The following MAN1A1 variants were observed in gnomAD, a reference collection of about 807,000 sequenced individuals.
The protein encoded by MAN1A1 is mannosyl-oligosaccharide 1,2-alpha-mannosidase IA.
Under a neutral mutation model 70.8 loss-of-function variants are expected in MAN1A1, and 29 were observed. That is an observed-to-expected ratio of 0.41 (90% CI 0.31 to 0.56). The LOEUF (loss-of-function observed/expected upper bound fraction) is 0.56. MAN1A1 is among the 20% of genes least tolerant of loss of function. MAN1A1 has a pLI of 0.29. For missense variants in MAN1A1, 747 were observed against 841.3 expected, an observed-to-expected ratio of 0.89 and a Z score of 1.39; for synonymous variants, 349 against 330.1, an observed-to-expected ratio of 1.06 and a Z score of -0.62.
At chr6:119,282,743 T>C (rs1427384342) in intron 5 of MAN1A1, among the ~76,000 whole-genome samples, 1 of 152,128 alleles carries the variant, frequency 6.6e-6, no homozygotes, top group Non-Finnish European at 1.5e-5. Context: ...CATATTAATA[T>C]ACAACAATTA....
At chr6:119,290,403 C>T (rs982235983) in intron 5 of MAN1A1, among the ~76,000 whole-genome samples, 5 of 151,994 alleles carry the variant, frequency 3.3e-5, no homozygotes, top group African/African-American at 1.2e-4. Context: ...TGTCCATAGG[C>T]ACATATAATT....
intron 5 of MAN1A1, among the ~76,000 whole-genome samples, chr6:119,258,656 T>A (rs1027962714): frequency 1.3e-5 from 2 of 152,210 alleles, no homozygotes; most frequent in African/African-American, 4.8e-5. Flanking sequence ...ATTTTAGTTA[T>A]GAAGCATTCT....
chr6:119,267,718 C>A (rs1775797500), intron 5 of MAN1A1, among the ~76,000 whole-genome samples: 1 of 152,200 alleles, frequency 6.6e-6, no homozygotes, highest in African/African-American at 2.4e-5. Context: ...GTAACCACAT[C>A]CTGGCATTTA....
chr6:119,193,507 G>T (rs553418602), intron 9 of MAN1A1, among the ~76,000 whole-genome samples: 10 of 151,884 alleles, frequency 6.6e-5, no homozygotes, highest in African/African-American at 2.4e-4. Flanking sequence ...CCTAAGGAGA[G>T]AATTCATATT....
At chr6:119,306,800 T>C in intron 3 of MAN1A1, 96 bp downstream of exon 3, 1 of 833,198 alleles carries the variant, frequency 1.2e-6, no homozygotes, top group Non-Finnish European at 2.0e-6. Context: ...CCAAATGGCC[T>C]GGAGGGCCAT....
chr6:119,232,230 G>A (rs905846535), intron 6 of MAN1A1, among the ~76,000 whole-genome samples: 11 of 151,896 alleles, frequency 7.2e-5, no homozygotes, highest in African/African-American at 1.9e-4. Context: ...AAAATTAGCC[G>A]GGCGTGGTGG....
At chr6:119,341,933 T>G (rs1217868732) in intron 2 of MAN1A1, among the ~76,000 whole-genome samples, 1 of 152,138 alleles carries the variant, frequency 6.6e-6, no homozygotes. Flanking sequence ...CCGGGAAATA[T>G]AGTGAGACCC....
intron 5 of MAN1A1, among the ~76,000 whole-genome samples, chr6:119,280,159 T>C (rs1776191824): frequency 6.6e-6 from 1 of 152,204 alleles, no homozygotes; most frequent in African/African-American, 2.4e-5. Context: ...CTTACTCCTG[T>C]CCATTCTTTC....
intron 2 of MAN1A1, among the ~76,000 whole-genome samples, chr6:119,314,322 T>C (rs149851905): frequency 1.3e-3 from 197 of 152,336 alleles, no homozygotes; most frequent in African/African-American, 4.5e-3. Context: ...ATTTTAGAAG[T>C]ATTATTTTGT....
At chr6:119,294,277 T>C (rs993261437) in intron 4 of MAN1A1, among the ~76,000 whole-genome samples, 4 of 152,108 alleles carry the variant, frequency 2.6e-5, no homozygotes, top group African/African-American at 7.2e-5. Flanking sequence ...CTGATTCTAA[T>C]TTCCATTAAA....
chr6:119,246,975 G>A (rs1775184676), intron 6 of MAN1A1, among the ~76,000 whole-genome samples: 1 of 152,054 alleles, frequency 6.6e-6, no homozygotes, highest in Admixed American at 6.6e-5. Context: ...CCAGAGGTGT[G>A]AACTCTCCCC....
intron 6 of MAN1A1, among the ~76,000 whole-genome samples, chr6:119,245,490 G>A (rs778116866): frequency 2.8e-4 from 43 of 152,172 alleles, no homozygotes; most frequent in South Asian, 1.9e-3. Flanking sequence ...ATGAAATGTC[G>A]CTTCTTGCCC....
intron 8 of MAN1A1, among the ~76,000 whole-genome samples, chr6:119,198,934 T>C (rs1300207022): frequency 1.3e-5 from 2 of 152,242 alleles, no homozygotes; most frequent in East Asian, 3.8e-4. Flanking sequence ...TTAATTGCAT[T>C]GTAAAATTAG....
chr6:119,229,120 C>T (rs1478790637), intron 6 of MAN1A1, among the ~76,000 whole-genome samples: 1 of 150,752 alleles, frequency 6.6e-6, no homozygotes, highest in East Asian at 1.9e-4. Context: ...GAGGCAAGAA[C>T]TTTATTACTA....
At chr6:119,307,305 GAAC>G (rs1358655258) in intron 2 of MAN1A1, among the ~76,000 whole-genome samples, 1 of 133,340 alleles carries the variant, frequency 7.5e-6, no homozygotes, top group Non-Finnish European at 1.7e-5. Flanking sequence ...TTAAAAGCAT[GAAC>G]CATGTCTACA....
chr6:119,200,915 T>A (rs966366220), intron 8 of MAN1A1, among the ~76,000 whole-genome samples: 9 of 152,202 alleles, frequency 5.9e-5, no homozygotes, highest in Admixed American at 3.9e-4. Flanking sequence ...TATAAAACCC[T>A]CATAGTCATT....
At chr6:119,287,330 A>C (rs1036460432) in intron 5 of MAN1A1, among the ~76,000 whole-genome samples, 1 of 152,088 alleles carries the variant, frequency 6.6e-6, no homozygotes, top group Middle Eastern at 3.2e-3. Flanking sequence ...TTTCTGCTCA[A>C]TATAGCTATT....
chr6:119,349,732 G>A lies in MAN1A1; in HGVS notation c.-413C>T, dbSNP rs905798808. On this transcript the variant is annotated 5_prime_UTR_variant, in exon 1 of 13. Transcript: ENST00000368468. ...CGAATGGCAGCGAGTAGAGCAGCACGGTACACTCCGCCGCGGCCCCGCGAG... is the reference window on the plus strand; with the variant it reads ...CGAATGGCAGCGAGTAGAGCAGCACAGTACACTCCGCCGCGGCCCCGCGAG... The A allele has an allele frequency of 1.2e-5, 12 of 985,626 alleles. No individual in the cohort carries two copies. Among genetic ancestry groups the A allele is most frequent in the South Asian group, 4.7e-5 (1 of 21,294 alleles). 61.1% of individuals were successfully genotyped at this position (985,626 alleles called of 1,614,324 possible).
intron 5 of MAN1A1, among the ~76,000 whole-genome samples, chr6:119,253,931 C>T (rs1343528062): frequency 6.6e-6 from 1 of 152,098 alleles, no homozygotes; most frequent in Non-Finnish European, 1.5e-5. Flanking sequence ...TTAATTAGCT[C>T]ATTGATACTT....
Sources: gnomAD v4.1 joint callset for allele counts (sites outside exome capture counted in the v4.1 genomes callset) on GRCh38, gnomAD v4.1.1 for gene constraint, MANE v1.5 for transcripts, NCBI Gene and HGNC (gene_info 2026-07-23, HGNC 2026-07-21) for gene names.